The following GRP variants were observed in gnomAD, a reference collection of about 807,000 sequenced individuals.
GRP encodes gastrin-releasing peptide.
In GRP, 11 loss-of-function variants were observed where a neutral mutation model predicts 12.7. That is an observed-to-expected ratio of 0.87 (90% CI 0.55 to 1.44). GRP has a LOEUF of 1.44. Among genes scored for constraint, GRP ranks in the 40% most tolerant of loss-of-function variants. The probability of loss-of-function intolerance (pLI) is 0.00; values close to 1 mark genes in which losing one functional copy is unlikely to be tolerated. For synonymous variants in GRP, 84 were observed against 77.7 expected (o/e 1.08, Z -0.43); for missense variants, 212 against 185.4 (o/e 1.14, Z -0.83).
chr18:59,221,476 C>G (rs957978879), intron 1 of GRP, among the ~76,000 whole-genome samples: 1 of 152,166 alleles, frequency 6.6e-6, no homozygotes, highest in East Asian at 1.9e-4. Context: ...CTCACTCCCC[C>G]ACCTACCCGC....
chr18:59,226,985 TTTTCTTCCTTTCTTTCTTTC>T (rs1223794272), intron 2 of GRP, among the ~76,000 whole-genome samples: 4 of 119,726 alleles, frequency 3.3e-5, no homozygotes, highest in African/African-American at 1.0e-4. Flanking sequence ...ATGTGGTTTC[TTTTCTTCCTTTCTTTCTTTC>T]TTTCTTTCTT....
At chr18:59,227,037 CTTTCTTTCTTTCTTT>C (rs1568084995) in intron 2 of GRP, among the ~76,000 whole-genome samples, 2 of 130,402 alleles carry the variant, frequency 1.5e-5, no homozygotes, top group African/African-American at 6.1e-5. Flanking sequence ...TTCTTTCTTT[CTTTCTTTCTTTCTTT>C]CTTCCTTTCT....
At chr18:59,222,044 C>T (rs890127535) in intron 1 of GRP, among the ~76,000 whole-genome samples, 8 of 152,268 alleles carry the variant, frequency 5.3e-5, no homozygotes, top group South Asian at 2.1e-4. Context: ...AAGAGGGCTT[C>T]TGGGAGCTTA....
intron 1 of GRP, among the ~76,000 whole-genome samples, chr18:59,222,628 C>T (rs1033450567): frequency 6.6e-6 from 1 of 152,184 alleles, no homozygotes; most frequent in African/African-American, 2.4e-5. Context: ...CAAGAAAATG[C>T]TTATCCTCTT....
At position 59,225,706 on chromosome 18, in the gene GRP, C is replaced by T. The variant is rs993880506; in HGVS notation, c.354C>T (p.Asn118=). The change falls in exon 2 of 3, where the codon AAC becomes AAT. Residue 118 remains asparagine (N), a synonymous_variant. Coordinates refer to ENST00000256857, the MANE Select transcript of GRP (RefSeq NM_002091.5). The part of the protein sequence containing the change: ...QPSWDSEDSS[N]FKDVGSKGKV... ...CGTGGGATTCAGAGGATAGCAGCAA[C>T]TTCAAAGATGTAGGTTCAAAAGGCA... 1.2e-6 allele frequency: 2 copies of T among 1,613,936 alleles called. No homozygotes were observed. Among genetic ancestry groups the T allele is most frequent in the Non-Finnish European group, 1.7e-6 (2 of 1,179,938 alleles).
rs377146993 is a variant in GRP at position 59,225,592 on chromosome 18, T to G, written c.240T>G (p.Ala80=). 1 of 1,614,108 alleles carries G rather than the reference T, an allele frequency of 6.2e-7. No individual in the cohort carries two copies. Among genetic ancestry groups the G allele is most frequent in the Non-Finnish European group, 8.5e-7 (1 of 1,179,988 alleles). The change falls in exon 2 of 3, where the codon GCT becomes GCG. Residue 80 remains alanine, a synonymous_variant. Transcript: ENST00000256857. ...QLREYIRWEE[A]ARNLLGLIEA... is the part of the protein sequence containing the mutation. ...GAGAGTACATCAGGTGGGAAGAAGC[T>G]GCAAGGAATTTGCTGGGTCTCATAG...
In GRP at chr18:59,220,295, G is replaced by C. The variant is rs562856652; in HGVS notation, c.30G>C (p.Leu10=). 56 of 1,505,320 alleles carry C rather than the reference G, an allele frequency of 3.7e-5. No homozygotes were observed. The Admixed American group carries it at 1.1e-3, about 29-fold the overall frequency. 93.2% of individuals were successfully genotyped at this position (1,505,320 alleles called of 1,614,324 possible). A position where few individuals can be genotyped will look rare whatever the true frequency, so the allele number is the denominator to read the frequency against. The change falls in exon 1 of 3, where the codon CTG becomes CTC. Residue 10 remains leucine (L), a synonymous_variant. Coordinates refer to ENST00000256857, the MANE Select transcript of GRP (RefSeq NM_002091.5). The stretch of plus-strand genomic sequence containing the variant: ...GCGGCCGTGAGCTCCCGCTGGTCCT[G>C]CTGGCGCTGGTCCTCTGCCTGGCGC... MRGRELPLV[L]LALVLCLAPR... is the part of the protein sequence containing the mutation.
At chr18:59,219,398 A>G (rs2069790215), upstream of GRP, among the ~76,000 whole-genome samples, 1 of 143,364 alleles carries the variant, frequency 7.0e-6, no homozygotes, top group African/African-American at 2.6e-5. Flanking sequence ...GGAGAGAGAG[A>G]CAGAGAGAGA....
intron 2 of GRP, among the ~76,000 whole-genome samples, chr18:59,226,891 C>T (rs1368800950): frequency 6.6e-6 from 1 of 152,186 alleles, no homozygotes; most frequent in Non-Finnish European, 1.5e-5. Context: ...CTTTCTATTT[C>T]ACTGCCCTTT....
chr18:59,226,577 T>C (rs1169571577), intron 2 of GRP, among the ~76,000 whole-genome samples: 3 of 152,216 alleles, frequency 2.0e-5, no homozygotes, highest in South Asian at 4.1e-4. Flanking sequence ...CTCTCCATTT[T>C]AGAGGTAAGG....
chr18:59,227,208 A>G (rs2069957517), intron 2 of GRP, among the ~76,000 whole-genome samples: 4 of 151,596 alleles, frequency 2.6e-5, no homozygotes, highest in Middle Eastern at 3.2e-3. Flanking sequence ...TCTATGCTAA[A>G]TGGAAACTGA....
intron 2 of GRP, among the ~76,000 whole-genome samples, chr18:59,226,878 A>G (rs1038006232): frequency 6.6e-6 from 1 of 151,890 alleles, no homozygotes; most frequent in African/African-American, 2.4e-5. Flanking sequence ...TTCTGGAGGG[A>G]AGCTTTCTAT....
intron 1 of GRP, among the ~76,000 whole-genome samples, chr18:59,221,575 G>C (rs1014437217): frequency 9.3e-5 from 14 of 151,014 alleles, no homozygotes; most frequent in Non-Finnish European, 2.9e-5. Context: ...ATGTGTGTGT[G>C]TCTCTGTGTG....
In GRP at chr18:59,225,837, C is replaced by T. The variant is rs749175872; in HGVS notation, c.382+103C>T. 9.8e-5 allele frequency: 101 copies of T among 1,034,222 alleles called. No individual in the cohort carries two copies. In the East Asian group the frequency reaches 2.4e-3, roughly 25 times the overall value. 64.1% of individuals were successfully genotyped at this position (1,034,222 alleles called of 1,614,324 possible). ...GAATAGAATTGCTTATGATATAAAC[C>T]TTCACAGTCACTACATTAGGCTAAC... On this transcript the variant is annotated intron_variant, in intron 2 of 2. Coordinates refer to ENST00000256857, the MANE Select transcript of GRP (RefSeq NM_002091.5).
intron 2 of GRP, among the ~76,000 whole-genome samples, chr18:59,226,989 C>CTTT (rs1555663382): frequency 8.0e-6 from 1 of 125,598 alleles, no homozygotes; most frequent in African/African-American, 3.5e-5. Flanking sequence ...GGTTTCTTTT[C>CTTT]TTCCTTTCTT....
chr18:59,220,720 GCCCAT>G (rs1157714276), intron 1 of GRP, among the ~76,000 whole-genome samples: 52 of 152,028 alleles, frequency 3.4e-4, no homozygotes, highest in Admixed American at 3.3e-3. Context: ...TTCCCTCTGC[GCCCAT>G]CCTACATCTC....
chr18:59,229,515 A>G (rs1162667253), intron 2 of GRP, among the ~76,000 whole-genome samples: 1 of 152,152 alleles, frequency 6.6e-6, no homozygotes, highest in African/African-American at 2.4e-5. Context: ...GTGGGAATCA[A>G]ACCCCAGGCC....
At chr18:59,221,809 T>C (rs1432181490) in intron 1 of GRP, among the ~76,000 whole-genome samples, 1 of 152,168 alleles carries the variant, frequency 6.6e-6, no homozygotes, top group Non-Finnish European at 1.5e-5. Flanking sequence ...TCGAGATCTT[T>C]GGGCTGCAAT....
chr18:59,223,242 C>G (rs772340440), intron 1 of GRP, among the ~76,000 whole-genome samples: 48 of 152,270 alleles, frequency 3.2e-4, no homozygotes, highest in Admixed American at 2.3e-3. Context: ...GATATGGGCA[C>G]TTGACAGATG....
Sources: allele counts gnomAD v4.1 joint callset (sites outside exome capture counted in the v4.1 genomes callset), GRCh38; gene constraint gnomAD v4.1.1; transcripts MANE v1.5; gene names NCBI Gene and HGNC (gene_info 2026-07-23, HGNC 2026-07-21).